CHCHD3: variants seen among roughly 807,000 people sequenced by gnomAD.
The protein encoded by CHCHD3 is MICOS complex subunit MIC19.
CHCHD3 carries 20 observed loss-of-function variants against 38.2 expected under a neutral mutation model. That is an observed-to-expected ratio of 0.52 (90% confidence interval 0.37 to 0.76). The LOEUF is 0.76. CHCHD3 is among the 30% of genes least tolerant of loss of function. The pLI is 0.00. For missense variants in CHCHD3, 245 were observed against 279.2 expected, an observed-to-expected ratio of 0.88 and a Z score of 0.87; for synonymous variants, 82 against 100.0, an observed-to-expected ratio of 0.82 and a Z score of 1.07.
At chr7:132,830,572 C>T (rs189188110) in intron 6 of CHCHD3, 1 of 152,244 alleles carries the variant, frequency 6.6e-6, no homozygotes, top group Admixed American at 6.5e-5. Flanking sequence ...AATAAATAAC[C>T]TGCCTGAGGA....
intron 2 of CHCHD3, among the ~76,000 whole-genome samples, chr7:133,047,697 C>CT (rs1814034603): frequency 6.6e-6 from 1 of 151,838 alleles, no homozygotes; most frequent in Admixed American, 6.5e-5. Flanking sequence ...CAAAAAAAAT[C>CT]TTTAATCCTC....
At chr7:132,902,242 C>T (rs1397356918) in intron 4 of CHCHD3, among the ~76,000 whole-genome samples, 7 of 152,170 alleles carry the variant, frequency 4.6e-5, no homozygotes, top group African/African-American at 1.4e-4. Flanking sequence ...AGTTCAACCA[C>T]TGTGGAAGAC....
Position 133,081,856 on chromosome 7 carries a change from C to A in CHCHD3, c.81+1G>T. ...CCCTCCGCCCGTCCACGGGCACTCACCCGGATGCCCTTCACCACGGTGATG... is the reference window on the plus strand; with the variant it reads ...CCCTCCGCCCGTCCACGGGCACTCAACCGGATGCCCTTCACCACGGTGATG... On this transcript the variant is annotated splice_donor_variant, in intron 1 of 7. Coordinates refer to ENST00000262570, the MANE Select transcript of CHCHD3 (RefSeq NM_017812.4). LOFTEE classifies it high-confidence loss of function. 3 of 1,553,222 alleles carry A rather than the reference C, an allele frequency of 1.9e-6. No individual in the cohort carries two copies. The Middle Eastern group carries it at 5.0e-4, about 259-fold the overall frequency.
At chr7:132,896,221 C>T (rs901998883) in intron 4 of CHCHD3, among the ~76,000 whole-genome samples, 1 of 152,176 alleles carries the variant, frequency 6.6e-6, no homozygotes, top group Non-Finnish European at 1.5e-5. Context: ...TTTTCTACAA[C>T]TTCTGGTAAA....
intron 2 of CHCHD3, among the ~76,000 whole-genome samples, chr7:133,046,755 G>C (rs1408029581): frequency 6.6e-6 from 1 of 152,156 alleles, no homozygotes; most frequent in Non-Finnish European, 1.5e-5. Flanking sequence ...AGTAGAGACA[G>C]GGTTTCACCG....
At chr7:132,906,210 A>G (rs566782796) in intron 4 of CHCHD3, among the ~76,000 whole-genome samples, 1 of 152,258 alleles carries the variant, frequency 6.6e-6, no homozygotes, top group Non-Finnish European at 1.5e-5. Context: ...AAAATTTACA[A>G]TATTAGCCAG....
intron 6 of CHCHD3, among the ~76,000 whole-genome samples, chr7:132,821,442 A>C (rs954747312): frequency 6.6e-6 from 1 of 152,226 alleles, no homozygotes; most frequent in African/African-American, 2.4e-5. Context: ...TAACATGTGG[A>C]TACTTATTAT....
At chr7:132,823,830 T>A (rs553762468) in intron 6 of CHCHD3, among the ~76,000 whole-genome samples, 1 of 152,222 alleles carries the variant, frequency 6.6e-6, no homozygotes, top group Non-Finnish European at 1.5e-5. Context: ...TTGTGAATTC[T>A]TAGGACACCA....
chr7:132,880,778 A>C (rs1286120028), intron 5 of CHCHD3, among the ~76,000 whole-genome samples: 1 of 152,208 alleles, frequency 6.6e-6, no homozygotes, highest in Non-Finnish European at 1.5e-5. Context: ...CATTATGGAC[A>C]TATTTGTCAA....
At chr7:132,992,497 G>A (rs1294400192) in intron 3 of CHCHD3, among the ~76,000 whole-genome samples, 1 of 152,184 alleles carries the variant, frequency 6.6e-6, no homozygotes, top group Non-Finnish European at 1.5e-5. Flanking sequence ...CTGAGATACT[G>A]TGGAGCTGCA....
At chr7:132,886,488 T>G (rs1195986353) in intron 4 of CHCHD3, among the ~76,000 whole-genome samples, 1 of 151,826 alleles carries the variant, frequency 6.6e-6, no homozygotes. Context: ...GTTGGTATCT[T>G]GAATATTATG....
At chr7:132,848,046 T>C (rs578018742) in intron 5 of CHCHD3, among the ~76,000 whole-genome samples, 1 of 152,302 alleles carries the variant, frequency 6.6e-6, no homozygotes, top group South Asian at 2.1e-4. Flanking sequence ...AAGAGAATGG[T>C]GGCAGAAACA....
At chr7:132,972,677 G>C in intron 4 of CHCHD3, 1 of 985,386 alleles carries the variant, frequency 1.0e-6, no homozygotes, top group African/African-American at 1.7e-5. Flanking sequence ...ACAACACTCT[G>C]GGAAGGAAGG....
At chr7:133,065,325 T>A (rs1284108232) in intron 2 of CHCHD3, among the ~76,000 whole-genome samples, 2 of 152,156 alleles carry the variant, frequency 1.3e-5, no homozygotes, top group Admixed American at 1.3e-4. Flanking sequence ...AGCAAAAAAA[T>A]TATATTTTTT....
intron 4 of CHCHD3, among the ~76,000 whole-genome samples, chr7:132,927,174 C>T (rs980158874): frequency 1.3e-5 from 2 of 152,224 alleles, no homozygotes; most frequent in Admixed American, 6.5e-5. Context: ...CATATTAGCT[C>T]ATTGCCCAAA....
chr7:132,791,074 G>A (rs1806448695), intron 7 of CHCHD3, among the ~76,000 whole-genome samples: 1 of 152,200 alleles, frequency 6.6e-6, no homozygotes, highest in Non-Finnish European at 1.5e-5. Context: ...ACCTCTGAAA[G>A]GTCAAAGACC....
At chr7:133,002,787 A>G (rs899578827) in intron 3 of CHCHD3, among the ~76,000 whole-genome samples, 1 of 152,190 alleles carries the variant, frequency 6.6e-6, no homozygotes, top group African/African-American at 2.4e-5. Flanking sequence ...ATTTAATGTC[A>G]CACAATAATG....
At chr7:133,025,229 G>A (rs565480371) in intron 2 of CHCHD3, among the ~76,000 whole-genome samples, 1 of 152,308 alleles carries the variant, frequency 6.6e-6, no homozygotes, top group African/African-American at 2.4e-5. Context: ...AACACAGCTG[G>A]AGCTTTCTAA....
intron 3 of CHCHD3, among the ~76,000 whole-genome samples, chr7:133,010,901 A>ACT (rs1812851742): frequency 6.6e-6 from 1 of 152,156 alleles, no homozygotes; most frequent in Admixed American, 6.6e-5. Flanking sequence ...TGCAGGAGAC[A>ACT]GACAAGAAAC....
Sources: gnomAD v4.1 joint callset for allele counts (sites outside exome capture counted in the v4.1 genomes callset) on GRCh38, gnomAD v4.1.1 for gene constraint, MANE v1.5 for transcripts, NCBI Gene and HGNC (gene_info 2026-07-23, HGNC 2026-07-21) for gene names.